DTNBP1: variants seen among roughly 807,000 people sequenced by gnomAD.
The protein encoded by DTNBP1 is dysbindin.
In DTNBP1, 35 loss-of-function variants were observed where a neutral mutation model predicts 42.8. The ratio of observed to expected loss-of-function variants is 0.82; its 90% CI spans 0.63 to 1.09. DTNBP1 has a LOEUF of 1.09. Among genes scored for constraint, DTNBP1 ranks in the 50% least tolerant of loss-of-function variants. DTNBP1 has a pLI of 0.00. For missense variants in DTNBP1, 457 were observed against 424.2 expected (o/e 1.08, Z -0.68); for synonymous variants, 171 against 162.2 (o/e 1.05, Z -0.41).
intron 9 of DTNBP1, chr6:15,524,259 AG>A (rs1225751171): frequency 1.9e-6 from 3 of 1,598,444 alleles, no homozygotes; most frequent in Non-Finnish European, 1.7e-6. Context: ...GTGGTAAAGG[AG>A]GGAAAACAAA....
chr6:15,607,793 T>C (rs1758162927), intron 6 of DTNBP1, among the ~76,000 whole-genome samples: 1 of 152,150 alleles, frequency 6.6e-6, no homozygotes, highest in Non-Finnish European at 1.5e-5. Flanking sequence ...TTAAAAAATG[T>C]TTAATTCAAT....
intron 6 of DTNBP1, chr6:15,595,180 A>G (rs1323046014): frequency 4.4e-6 from 2 of 456,076 alleles, no homozygotes; most frequent in African/African-American, 2.0e-5. Context: ...CCAATTCCTA[A>G]AACAGATGAC....
intron 3 of DTNBP1, among the ~76,000 whole-genome samples, chr6:15,638,622 G>A (rs1294188338): frequency 6.6e-6 from 1 of 152,140 alleles, no homozygotes; most frequent in East Asian, 1.9e-4. Flanking sequence ...GTTAACTGAG[G>A]ACAAACCTGG....
intron 7 of DTNBP1, among the ~76,000 whole-genome samples, chr6:15,578,682 G>T (rs976027991): frequency 6.6e-6 from 1 of 152,160 alleles, no homozygotes; most frequent in African/African-American, 2.4e-5. Context: ...ATAAAAACTG[G>T]AAGAAATAAC....
At chr6:15,542,125 G>A (rs542526080) in intron 7 of DTNBP1, among the ~76,000 whole-genome samples, 23 of 152,140 alleles carry the variant, frequency 1.5e-4, no homozygotes, top group African/African-American at 5.5e-4. Context: ...TACAATTCAG[G>A]TGTTTTTATA....
chr6:15,586,016 G>A, intron 7 of DTNBP1: 1 of 1,251,914 alleles, frequency 8.0e-7, no homozygotes, highest in Non-Finnish European at 1.0e-6. Flanking sequence ...AGTGTGCAAA[G>A]ATGTATGCAC....
intron 7 of DTNBP1, among the ~76,000 whole-genome samples, chr6:15,563,833 C>T (rs781254569): frequency 6.6e-6 from 1 of 152,142 alleles, no homozygotes; most frequent in Non-Finnish European, 1.5e-5. Flanking sequence ...TGAGGCTGGG[C>T]CGAGGTTCCC....
chr6:15,634,973 C>T (rs1237324140), intron 4 of DTNBP1, among the ~76,000 whole-genome samples: 1 of 152,114 alleles, frequency 6.6e-6, no homozygotes, highest in Non-Finnish European at 1.5e-5. Flanking sequence ...TGGACGATTG[C>T]TGATAGAAAA....
chr6:15,635,769 G>A (rs1428194083), intron 4 of DTNBP1, among the ~76,000 whole-genome samples: 1 of 151,882 alleles, frequency 6.6e-6, no homozygotes, highest in Admixed American at 6.6e-5. Context: ...ACTCTCTCTT[G>A]TACCTCACTA....
intron 7 of DTNBP1, among the ~76,000 whole-genome samples, chr6:15,537,785 G>A (rs993349916): frequency 1.3e-5 from 2 of 152,128 alleles, no homozygotes; most frequent in Admixed American, 1.3e-4. Flanking sequence ...TGCCATGATT[G>A]TAACTTTGCT....
At chr6:15,524,405 C>T (rs1772198952) in intron 9 of DTNBP1, 121 bp downstream of exon 9, 3 of 1,614,148 alleles carry the variant, frequency 1.9e-6, no homozygotes, top group Non-Finnish European at 2.5e-6. Flanking sequence ...GAGCCAGGAG[C>T]TGGCTGTGAG....
At position 15,633,198 on chromosome 6, in the gene DTNBP1, T is replaced by TAACG. The variant is rs1483096698; in HGVS notation, c.222+4545_222+4546insCGTT. ...TAATTAACATTGTTTTCATGCCCAC[T>TAACG]AATGCAACATCCATTCTGTAGCCTG... On this transcript the variant is annotated intron_variant, in intron 4 of 9. Coordinates refer to ENST00000344537, the MANE Select transcript of DTNBP1 (RefSeq NM_032122.5). 4.6e-5 allele frequency among the ~76,000 whole-genome samples: 7 copies of TAACG among 152,354 alleles called. No individual in the cohort carries two copies. In the East Asian group the frequency reaches 9.6e-4, roughly 21 times the overall value.
intron 6 of DTNBP1, among the ~76,000 whole-genome samples, chr6:15,596,370 C>T (rs559999064): frequency 4.6e-5 from 7 of 152,320 alleles, no homozygotes; most frequent in South Asian, 4.1e-4. Context: ...CCTACTCCCT[C>T]GCTTCGCATT....
intron 8 of DTNBP1, among the ~76,000 whole-genome samples, chr6:15,527,883 T>C (rs964011522): frequency 3.9e-5 from 6 of 152,062 alleles, no homozygotes; most frequent in African/African-American, 1.4e-4. Context: ...CATGGAAAAC[T>C]TGCCAAAATT....
At chr6:15,597,507 C>G (rs899719060) in intron 6 of DTNBP1, among the ~76,000 whole-genome samples, 7 of 152,102 alleles carry the variant, frequency 4.6e-5, no homozygotes, top group Admixed American at 4.6e-4. Flanking sequence ...CATAAAAATG[C>G]TAATAATAAT....
At chr6:15,525,365 GC>G (rs1772312818) in intron 8 of DTNBP1, among the ~76,000 whole-genome samples, 1 of 152,212 alleles carries the variant, frequency 6.6e-6, no homozygotes, top group Non-Finnish European at 1.5e-5. Context: ...AGTTATCCTA[GC>G]CATGGGGAAT....
At chr6:15,630,290 A>G (rs1348156391) in intron 4 of DTNBP1, among the ~76,000 whole-genome samples, 2 of 152,198 alleles carry the variant, frequency 1.3e-5, no homozygotes, top group African/African-American at 4.8e-5. Context: ...ATAGATGAGA[A>G]AACTAAGAGA....
At position 15,522,955 on chromosome 6, in the gene DTNBP1, G is replaced by A. The variant is rs1431717469; in HGVS notation, c.*20C>T. 1 of 1,614,224 alleles carries A rather than the reference G, an allele frequency of 6.2e-7. No homozygotes were observed. The highest frequency in any genetic ancestry group is 8.5e-7 in the Non-Finnish European group (1 of 1,180,044). ...CCAAAACTGGATTCCAGTGTGGCCA[G>A]ACAACGCCCATGTCCCAATTTAAGA... On this transcript the variant is annotated 3_prime_UTR_variant, in exon 10 of 10. Coordinates refer to ENST00000344537, the MANE Select transcript of DTNBP1 (RefSeq NM_032122.5).
intron 7 of DTNBP1, among the ~76,000 whole-genome samples, chr6:15,547,276 T>C (rs543511246): frequency 1.1e-4 from 16 of 152,216 alleles, no homozygotes; most frequent in Non-Finnish European, 1.9e-4. Flanking sequence ...TTCTCCACAT[T>C]TGGCAGCATC....
Sources: gnomAD v4.1 joint callset for allele counts (sites outside exome capture counted in the v4.1 genomes callset) on GRCh38, gnomAD v4.1.1 for gene constraint, MANE v1.5 for transcripts, NCBI Gene and HGNC (gene_info 2026-07-23, HGNC 2026-07-21) for gene names.